The following MAST4 variants were observed in gnomAD, a reference collection of about 807,000 sequenced individuals.
MAST4 encodes the protein microtubule-associated serine/threonine-protein kinase 4.
A neutral mutation model predicts 162.7 loss-of-function variants in MAST4; 89 were observed. The observed-to-expected ratio is 0.55, with a 90% CI of 0.46 to 0.65. The LOEUF (loss-of-function observed/expected upper bound fraction) is 0.65. Among genes scored for constraint, MAST4 ranks in the 30% least tolerant of loss-of-function variants. The pLI, the probability that MAST4 is intolerant of heterozygous loss-of-function variation, is 0.00. For synonymous variants in MAST4, 1,479 were observed against 1,361.1 expected (o/e 1.09, Z -1.91); for missense variants, 3,153 against 3,374.0 (o/e 0.93, Z 1.62).
At chr5:66,784,700 T>G (rs1262033262) in intron 2 of MAST4, among the ~76,000 whole-genome samples, 1 of 152,178 alleles carries the variant, frequency 6.6e-6, no homozygotes, top group South Asian at 2.1e-4. Context: ...AGTTACCGTG[T>G]TTTATTCTGT....
intron 1 of MAST4, among the ~76,000 whole-genome samples, chr5:66,724,063 A>C (rs1191743774): frequency 6.6e-6 from 1 of 152,176 alleles, no homozygotes; most frequent in Non-Finnish European, 1.5e-5. Flanking sequence ...ATAAAATATA[A>C]AATTGGCACT....
intron 3 of MAST4, among the ~76,000 whole-genome samples, chr5:66,816,116 A>C (rs1324534668): frequency 6.6e-6 from 1 of 152,176 alleles, no homozygotes; most frequent in Non-Finnish European, 1.5e-5. Context: ...AGAGATTAAA[A>C]ATATTATCTT....
intron 1 of MAST4, among the ~76,000 whole-genome samples, chr5:66,598,250 C>T (rs1742326571): frequency 6.6e-6 from 1 of 152,154 alleles, no homozygotes; most frequent in Non-Finnish European, 1.5e-5. Flanking sequence ...TTCCCCTAAG[C>T]CCCCATTGCA....
intron 4 of MAST4, among the ~76,000 whole-genome samples, chr5:67,033,182 A>T (rs1755563543): frequency 6.6e-6 from 1 of 151,848 alleles, no homozygotes; most frequent in South Asian, 2.1e-4. Flanking sequence ...CTTAAAAAAA[A>T]AAAAGAAAGA....
intron 3 of MAST4, among the ~76,000 whole-genome samples, chr5:66,882,053 A>G (rs561096473): frequency 2.0e-5 from 3 of 152,214 alleles, no homozygotes; most frequent in African/African-American, 4.8e-5. Flanking sequence ...AACTGGTTTC[A>G]GTATCTTGAT....
At chr5:67,080,220 CAT>C (rs1165614954) in intron 5 of MAST4, among the ~76,000 whole-genome samples, 1 of 152,206 alleles carries the variant, frequency 6.6e-6, no homozygotes, top group Non-Finnish European at 1.5e-5. Context: ...AAGTGTCCAG[CAT>C]ATATTAACTC....
intron 3 of MAST4, among the ~76,000 whole-genome samples, chr5:66,846,678 T>G (rs1166387032): frequency 1.3e-5 from 2 of 152,146 alleles, no homozygotes; most frequent in African/African-American, 4.8e-5. Flanking sequence ...ATTCCATAAA[T>G]TAGTTGGTAT....
chr5:66,907,610 G>GTC (rs1763464697), intron 4 of MAST4, among the ~76,000 whole-genome samples: 2 of 150,848 alleles, frequency 1.3e-5, no homozygotes, highest in Non-Finnish European at 3.0e-5. Context: ...GTGTGTGTGT[G>GTC]TGTGTGTGTG....
intron 13 of MAST4, 61 bp from the exon 14 acceptor site, chr5:67,120,956 G>A: frequency 8.6e-7 from 1 of 1,160,004 alleles, no homozygotes; most frequent in Non-Finnish European, 1.3e-6. Flanking sequence ...TATCTATTTT[G>A]CTGATAAAAT....
intron 3 of MAST4, among the ~76,000 whole-genome samples, chr5:66,845,301 A>T (rs1186185994): frequency 6.6e-6 from 1 of 151,276 alleles, no homozygotes; most frequent in African/African-American, 2.4e-5. Flanking sequence ...CCGGTGTGTG[A>T]TGTTCCCCGC....
intron 4 of MAST4, among the ~76,000 whole-genome samples, chr5:66,953,547 G>C (rs1038549041): frequency 1.3e-5 from 2 of 152,100 alleles, no homozygotes; most frequent in Non-Finnish European, 2.9e-5. Flanking sequence ...GAGACAGTCT[G>C]AGGCTCTGTC....
intron 4 of MAST4, among the ~76,000 whole-genome samples, chr5:67,004,278 G>T (rs553906457): frequency 1.3e-5 from 2 of 152,234 alleles, no homozygotes; most frequent in African/African-American, 4.8e-5. Context: ...GGTGGGGGAT[G>T]CAGGAAAGCT....
intron 4 of MAST4, among the ~76,000 whole-genome samples, chr5:67,021,055 A>G (rs1753910651): frequency 6.6e-6 from 1 of 152,170 alleles, no homozygotes; most frequent in Non-Finnish European, 1.5e-5. Flanking sequence ...GACTCAATAA[A>G]TTGTAATTTT....
rs1484654597 is a variant in MAST4, at chr5:67,168,368, A to G, written c.*1317A>G. The G allele has an allele frequency of 6.6e-6, 1 of 152,192 alleles. No individual in the cohort carries two copies. The highest frequency in any genetic ancestry group is 2.4e-5 in the African/African-American group (1 of 41,446). 9.4% of individuals were successfully genotyped at this position (152,192 alleles called of 1,614,324 possible). On this transcript the variant is annotated 3_prime_UTR_variant, in exon 29 of 29. Transcript: ENST00000403625. ...TCTTAATACAGAGCAGCATTTTTGT[A>G]ACAAAGAGACTCGCTGGAGCTATTT...
At chr5:66,834,352 A>G (rs1161389035) in intron 3 of MAST4, among the ~76,000 whole-genome samples, 1 of 152,154 alleles carries the variant, frequency 6.6e-6, no homozygotes, top group East Asian at 1.9e-4. Flanking sequence ...ACCTTAGGTA[A>G]AAGGACACAG....
At chr5:66,810,292 G>C (rs1337116327) in intron 3 of MAST4, among the ~76,000 whole-genome samples, 1 of 152,172 alleles carries the variant, frequency 6.6e-6, no homozygotes, top group Non-Finnish European at 1.5e-5. Context: ...AACATAAAGA[G>C]TTAGTTTCTT....
At chr5:66,700,069 C>T (rs1010888649) in intron 1 of MAST4, among the ~76,000 whole-genome samples, 1 of 152,260 alleles carries the variant, frequency 6.6e-6, no homozygotes, top group South Asian at 2.1e-4. Flanking sequence ...TGACTGCAGC[C>T]CAGTGTCTTC....
intron 4 of MAST4, among the ~76,000 whole-genome samples, chr5:66,977,840 G>C (rs756622877): frequency 1.3e-5 from 2 of 152,216 alleles, no homozygotes; most frequent in Non-Finnish European, 2.9e-5. Context: ...TCTGTGTATA[G>C]GTTTGTGCAT....
chr5:66,601,295 A>G (rs576623859), intron 1 of MAST4, among the ~76,000 whole-genome samples: 6 of 152,224 alleles, frequency 3.9e-5, no homozygotes, highest in Non-Finnish European at 8.8e-5. Context: ...AAATTCAGTA[A>G]GAGCCACAAG....
Sources: allele counts gnomAD v4.1 joint callset (sites outside exome capture counted in the v4.1 genomes callset), GRCh38; gene constraint gnomAD v4.1.1; transcripts MANE v1.5; gene names NCBI Gene and HGNC (gene_info 2026-07-23, HGNC 2026-07-21).